MYOM1: variants seen among roughly 807,000 people sequenced by gnomAD.
MYOM1 encodes myomesin 1, also known as myomesin-1.
In MYOM1, 164 loss-of-function variants were observed where a neutral mutation model predicts 205.3. The observed-to-expected ratio is 0.80, with a 90% CI of 0.70 to 0.91. MYOM1 has a LOEUF of 0.91. Among genes scored for constraint, MYOM1 ranks in the 40% least tolerant of loss-of-function variants. The pLI is 0.00. For missense variants in MYOM1, 2,011 were observed against 2,127.3 expected, an observed-to-expected ratio of 0.95 and a Z score of 1.08; for synonymous variants, 772 against 789.4, an observed-to-expected ratio of 0.98 and a Z score of 0.37.
At chr18:3,184,081 T>C (rs1233842673) in intron 5 of MYOM1, among the ~76,000 whole-genome samples, 1 of 152,088 alleles carries the variant, frequency 6.6e-6, no homozygotes, top group African/African-American at 2.4e-5. Flanking sequence ...AATTTTTGTA[T>C]TTTTAGTAGA....
intron 34 of MYOM1, among the ~76,000 whole-genome samples, chr18:3,078,424 TTTTA>T (rs869061037): frequency 2.7e-5 from 4 of 148,044 alleles, no homozygotes; most frequent in African/African-American, 4.9e-5. Context: ...GACTATTTTA[TTTTA>T]TTTATTTTTT....
At chr18:3,148,052 G>A (rs570738369) in intron 13 of MYOM1, among the ~76,000 whole-genome samples, 11 of 152,308 alleles carry the variant, frequency 7.2e-5, no homozygotes, top group African/African-American at 2.2e-4. Flanking sequence ...GAACCCACTA[G>A]AATGGCTAAA....
chr18:3,094,379 G>GAAAA (rs36091956), intron 25 of MYOM1, 73 bp from the exon 26 acceptor site: 4 of 797,090 alleles, frequency 5.0e-6, no homozygotes, highest in Non-Finnish European at 3.6e-6. Context: ...TCCATCAAGT[G>GAAAA]AAAAAAAAAA....
intron 8 of MYOM1, among the ~76,000 whole-genome samples, chr18:3,172,909 G>C (rs1246990045): frequency 6.6e-6 from 1 of 152,152 alleles, no homozygotes; most frequent in Non-Finnish European, 1.5e-5. Flanking sequence ...CTCACCCATG[G>C]GGCTGATGCC....
intron 22 of MYOM1, among the ~76,000 whole-genome samples, chr18:3,103,871 AG>A: frequency 6.6e-6 from 1 of 152,252 alleles, no homozygotes; most frequent in Non-Finnish European, 1.5e-5. Flanking sequence ...TACAGATGGC[AG>A]TGTATGCTTC....
Position 3,129,216 on chromosome 18 carries a change from C to T in MYOM1, c.2794+16G>A. On this transcript the variant is annotated intron_variant, in intron 18 of 37. Coordinates refer to ENST00000356443, the MANE Select transcript of MYOM1 (RefSeq NM_003803.4). ...GATGGAGACGGATGGAACAGCTTCC[C>T]TTTCTCAACTCTCACCTCTGTCTGT... 1 of 1,609,034 alleles carries T rather than the reference C, an allele frequency of 6.2e-7. No individual in the cohort carries two copies. Among genetic ancestry groups the T allele is most frequent in the South Asian group, 1.1e-5 (1 of 90,760 alleles).
At chr18:3,144,679 A>G (rs190537319) in intron 13 of MYOM1, among the ~76,000 whole-genome samples, 4 of 152,342 alleles carry the variant, frequency 2.6e-5, no homozygotes, top group Middle Eastern at 3.4e-3. Context: ...GAAAGCTGGA[A>G]TAGCTATATT....
At chr18:3,198,729 G>A (rs1324221592) in intron 2 of MYOM1, among the ~76,000 whole-genome samples, 1 of 151,530 alleles carries the variant, frequency 6.6e-6, no homozygotes, top group Non-Finnish European at 1.5e-5. Flanking sequence ...GTTGCAGTGA[G>A]CCAAGATCGC....
At chr18:3,081,831 G>GA (rs2079089602) in intron 33 of MYOM1, among the ~76,000 whole-genome samples, 1 of 152,038 alleles carries the variant, frequency 6.6e-6, no homozygotes, top group African/African-American at 2.4e-5. Context: ...TAATACTAAC[G>GA]AAAACACTGT....
At chr18:3,233,046 CTGTA>C in the MYOM1 span, among the ~76,000 whole-genome samples, 1 of 152,186 alleles carries the variant, frequency 6.6e-6, no homozygotes, top group Non-Finnish European at 1.5e-5. Flanking sequence ...GAAATAATTA[CTGTA>C]AGAACTAGTA....
At chr18:3,232,524 T>C in the MYOM1 span, among the ~76,000 whole-genome samples, 5,677 of 152,228 alleles carry the variant, frequency 0.037, 226 homozygotes, top group African/African-American at 0.1. Flanking sequence ...GATGGGTATG[T>C]TACTATCTTG....
chr18:3,160,507 G>A (rs1268784974), intron 10 of MYOM1, among the ~76,000 whole-genome samples: 2 of 152,150 alleles, frequency 1.3e-5, no homozygotes, highest in African/African-American at 4.8e-5. Flanking sequence ...AAAGTGGAGT[G>A]TGGGTAATGG....
chr18:3,136,174 G>A (rs150051522), intron 14 of MYOM1, among the ~76,000 whole-genome samples: 7,351 of 152,062 alleles, frequency 0.048, 220 homozygotes, highest in East Asian at 0.17. Flanking sequence ...CACCATGATT[G>A]TGAGGCCTCC....
intron 19 of MYOM1, among the ~76,000 whole-genome samples, chr18:3,126,262 C>G: frequency 9.0e-6 from 1 of 110,798 alleles, no homozygotes; most frequent in East Asian, 3.2e-4. Context: ...AAGACTTCAT[C>G]TCAAAAAAAA....
At chr18:3,156,813 A>C (rs577658705) in intron 10 of MYOM1, among the ~76,000 whole-genome samples, 1 of 151,896 alleles carries the variant, frequency 6.6e-6, no homozygotes, top group Non-Finnish European at 1.5e-5. Flanking sequence ...GATTCACCGT[A>C]TTAGCCAGGA....
intron 19 of MYOM1, among the ~76,000 whole-genome samples, chr18:3,126,248 G>A (rs2079779311): frequency 7.6e-6 from 1 of 131,852 alleles, no homozygotes; most frequent in South Asian, 2.5e-4. Context: ...CTGGGGGACA[G>A]AGCAAGACTT....
chr18:3,180,308 A>T (rs2080711576), intron 5 of MYOM1, among the ~76,000 whole-genome samples: 1 of 152,122 alleles, frequency 6.6e-6, no homozygotes, highest in Non-Finnish European at 1.5e-5. Context: ...CACACACACC[A>T]CACATCACTT....
At chr18:3,191,841 G>A (rs1055894474) in intron 3 of MYOM1, among the ~76,000 whole-genome samples, 2 of 151,818 alleles carry the variant, frequency 1.3e-5, no homozygotes, top group Admixed American at 6.6e-5. Flanking sequence ...GACTACAGGT[G>A]CCCGCCACCA....
intron 29 of MYOM1, 43 bp from the exon 30 acceptor site, chr18:3,086,194 G>A (rs765352531): frequency 1.6e-6 from 2 of 1,285,730 alleles, no homozygotes; most frequent in South Asian, 2.8e-5. Context: ...ATAAGAAAGT[G>A]TACTCTTGTG....
Sources: allele counts gnomAD v4.1 joint callset (sites outside exome capture counted in the v4.1 genomes callset), GRCh38; gene constraint gnomAD v4.1.1; transcripts MANE v1.5; gene names NCBI Gene and HGNC (gene_info 2026-07-23, HGNC 2026-07-21).